The following UBE2S variants were observed in gnomAD, a reference collection of about 807,000 sequenced individuals.
UBE2S encodes ubiquitin conjugating enzyme E2 S, also known as ubiquitin-conjugating enzyme E2 S.
In UBE2S, 3 loss-of-function variants were observed where a neutral mutation model predicts 12.3. The observed-to-expected ratio is 0.24, with a 90% CI of 0.11 to 0.63. UBE2S has a LOEUF of 0.63. Among genes scored for constraint, UBE2S ranks in the 30% least tolerant of loss-of-function variants. The probability of loss-of-function intolerance (pLI) is 0.85; values close to 1 mark genes in which losing one functional copy is unlikely to be tolerated. For missense variants in UBE2S, 211 were observed against 313.9 expected (o/e 0.67, Z 2.48); for synonymous variants, 133 against 142.0 (o/e 0.94, Z 0.45).
At chr19:55,405,077 G>A (rs776959037) in intron 2 of UBE2S, among the ~76,000 whole-genome samples, 12 of 151,738 alleles carry the variant, frequency 7.9e-5, no homozygotes, top group African/African-American at 1.2e-4. Context: ...AGGCGTGGTG[G>A]TGCATGCCTG....
Position 55,403,941 on chromosome 19 carries a change from A to G in UBE2S, c.342+347T>C, listed in dbSNP as rs144169412. On this transcript the variant is annotated intron_variant, in intron 3 of 3. Coordinates refer to ENST00000264552, the MANE Select transcript of UBE2S (RefSeq NM_014501.3). Reference sequence around the variant, plus strand: ...TTTTTAGTAGAGACAGGGTTTCACCATGTTGGCCAGGCTGGTCTCGAACTC... The same window carrying G: ...TTTTTAGTAGAGACAGGGTTTCACCGTGTTGGCCAGGCTGGTCTCGAACTC... 810 of 230,432 alleles carry G rather than the reference A, an allele frequency of 3.5e-3. 6 individuals are homozygous for G. Among genetic ancestry groups the G allele is most frequent in the African/African-American group, 0.019 (777 of 41,748 alleles). 14.3% of individuals were successfully genotyped at this position (230,432 alleles called of 1,614,324 possible).
chr19:55,401,732 G>C lies in UBE2S; in HGVS notation c.373C>G (p.Pro125Ala), dbSNP rs746917958. The C allele has an allele frequency of 6.2e-7, 1 of 1,613,370 alleles. No homozygotes were observed. Among genetic ancestry groups the C allele is most frequent in the Admixed American group, 1.7e-5 (1 of 60,036 alleles). Residue 125 changes from proline to alanine, a missense_variant, in exon 4 of 4, where the codon CCC becomes GCC. By Grantham distance (27) the Pro-to-Ala change is conservative (BLOSUM62 -1). Coordinates refer to ENST00000264552, the MANE Select transcript of UBE2S (RefSeq NM_014501.3). ...GCCTCCTCGTTGAGTGCAGACTCGGGGTTAGGGTGGATCAGCAGGCACTTG... is the reference window on the plus strand; with the variant it reads ...GCCTCCTCGTTGAGTGCAGACTCGGCGTTAGGGTGGATCAGCAGGCACTTG... ...TIKCLLIHPN[P>A]ESALNEEAGR... is the part of the protein sequence containing the mutation.
chr19:55,402,939 T>C (rs1429276340), intron 3 of UBE2S: 31 of 1,522,586 alleles, frequency 2.0e-5, no homozygotes, highest in Middle Eastern at 3.4e-4. Context: ...TTTTTTTTTT[T>C]CAGCTTGCGG....
intron 3 of UBE2S, chr19:55,402,955 G>T: frequency 1.3e-6 from 2 of 1,533,946 alleles, no homozygotes; most frequent in Non-Finnish European, 1.7e-6. Context: ...TGCGGGAAGG[G>T]TTGGGAGGCA....
chr19:55,403,136 C>A (rs909443933), intron 3 of UBE2S: 3 of 759,162 alleles, frequency 4.0e-6, no homozygotes, highest in Admixed American at 2.0e-5. Context: ...TTGTGACAAC[C>A]CTTTCTGGTC....
Position 55,404,022 on chromosome 19 carries a change from A to G in UBE2S, c.342+266T>C. 3 of 435,846 alleles carry G rather than the reference A, an allele frequency of 6.9e-6. No individual in the cohort carries two copies. 27.0% of individuals were successfully genotyped at this position (435,846 alleles called of 1,614,324 possible). On this transcript the variant is annotated intron_variant, in intron 3 of 3. Coordinates refer to ENST00000264552, the MANE Select transcript of UBE2S (RefSeq NM_014501.3). This position sits in a 1 kb window ranked among gnomAD's most constrained non-coding sequence, Gnocchi z 4.4. ...TACCCTATCCTTGTTTTTTAAAAAA[A>G]AGGGAGAAGAGAAAAACCATCCTAC...
At position 55,399,811 on chromosome 19, in the gene UBE2S, T is replaced by C. The variant is rs2090044439; in HGVS notation, c.*1625A>G. ...TTTCAGTGGGTTCCGAGGCCCAGGATGCAGGCACCTTCCTTCAGCAAGGAC... is the reference window on the plus strand; with the variant it reads ...TTTCAGTGGGTTCCGAGGCCCAGGACGCAGGCACCTTCCTTCAGCAAGGAC... On this transcript the variant is annotated 3_prime_UTR_variant, in exon 4 of 4. Transcript: ENST00000264552. The C allele has an allele frequency of 2.0e-5, 3 of 152,242 alleles. No homozygotes were observed. Among genetic ancestry groups the C allele is most frequent in the African/African-American group, 2.4e-5 (1 of 41,460 alleles). The allele number at this position is 152,242 out of a possible 1,614,324, so 9.4% of individuals were successfully genotyped here.
chr19:55,402,776 A>G (rs2090070198), intron 3 of UBE2S, among the ~76,000 whole-genome samples: 1 of 151,842 alleles, frequency 6.6e-6, no homozygotes, highest in African/African-American at 2.4e-5. Context: ...CTCCAATGAC[A>G]CCCCAGGGGA....
rs1257844430 is a variant in UBE2S at position 55,404,821 on chromosome 19, T to G, written c.152-343A>C. Among the ~76,000 whole-genome samples, 1 of 152,066 alleles carries G rather than the reference T, an allele frequency of 6.6e-6. No homozygotes were observed. The highest frequency in any genetic ancestry group is 2.4e-5 in the African/African-American group (1 of 41,426). On this transcript the variant is annotated intron_variant, in intron 2 of 3. Coordinates refer to ENST00000264552, the MANE Select transcript of UBE2S (RefSeq NM_014501.3). The surrounding 1 kb of genome is among the most constrained non-coding windows in gnomAD (Gnocchi z 4.4). ...TCTCACTATGTTGCCCAAGCTGGTC[T>G]TGCACTCCTAGGCTCAAGCAATTTG...
At chr19:55,406,986 G>A (rs774143957) in intron 1 of UBE2S, 24 bp from the exon 2 acceptor site, 1 of 1,610,668 alleles carries the variant, frequency 6.2e-7, no homozygotes, top group Non-Finnish European at 8.5e-7. Flanking sequence ...GGAGAGCAGG[G>A]TGAGCGAGTG....
rs150637417 is a variant in UBE2S at position 55,406,763 on chromosome 19, G to C, written c.151+52C>G. 596 of 1,574,126 alleles carry C rather than the reference G, an allele frequency of 3.8e-4. 2 individuals are homozygous for C. In the African/African-American group the frequency reaches 7.5e-3, roughly 20 times the overall value. On this transcript the variant is annotated intron_variant, in intron 2 of 3. Transcript: ENST00000264552. ...TTCCCGCTAGGGTGATCTAGAGCAG[G>C]GTGATGGAGGATCTAAGCAGCAGCC...
intron 3 of UBE2S, chr19:55,403,162 A>G (rs1484306092): frequency 2.8e-6 from 2 of 709,604 alleles, no homozygotes; most frequent in African/African-American, 3.5e-5. Context: ...ACAATGCATA[A>G]TACCCCTTGG....
At chr19:55,401,811 C>A (rs2090061461) in intron 3 of UBE2S, 49 bp from the exon 4 acceptor site, 14 of 1,599,394 alleles carry the variant, frequency 8.8e-6, no homozygotes, top group Non-Finnish European at 1.2e-5. Context: ...CCTACAGGGA[C>A]CCCCAGGCCT....
intron 2 of UBE2S, among the ~76,000 whole-genome samples, chr19:55,405,311 C>T (rs1472375521): frequency 1.3e-5 from 2 of 151,226 alleles, no homozygotes; most frequent in East Asian, 1.9e-4. Flanking sequence ...AGTTCGAGAC[C>T]AGCCTGGCCA....
Position 55,406,844 on chromosome 19 carries a change from G to A in UBE2S, c.122C>T (p.Thr41Ile). 1 of 1,613,482 alleles carries A rather than the reference G, an allele frequency of 6.2e-7. No homozygotes were observed. The highest frequency in any genetic ancestry group is 1.3e-5 in the African/African-American group (1 of 75,028). ...IKVFPNEEDLTDLQVTIEGPE... is the reference protein window; with the variant it reads ...IKVFPNEEDLIDLQVTIEGPE... Reference sequence around the variant, plus strand: ...GCCCTCGATGGTGACCTGGAGGTCGGTGAGGTCCTCCTCGTTGGGAAAGAC... The same window carrying A: ...GCCCTCGATGGTGACCTGGAGGTCGATGAGGTCCTCCTCGTTGGGAAAGAC... Residue 41 changes from threonine to isoleucine, a missense_variant, in exon 2 of 4, where the codon ACC becomes ATC. Transcript: ENST00000264552.
Position 55,407,203 on chromosome 19 carries a change from C to CT in UBE2S, c.4-242_4-241insA, listed in dbSNP as rs201621106. On this transcript the variant is annotated intron_variant, in intron 1 of 3. Coordinates refer to ENST00000264552, the MANE Select transcript of UBE2S (RefSeq NM_014501.3). ...ACTCCACCCACCCCAGAACCCCCCCCCCAAAGCCCGCTCCTAACCCTGCTT... is the reference window on the plus strand; with the variant it reads ...ACTCCACCCACCCCAGAACCCCCCCCTCCAAAGCCCGCTCCTAACCCTGCTT... 6.4e-3 allele frequency among the ~76,000 whole-genome samples: 962 copies of CT among 150,728 alleles called. 14 individuals are homozygous for CT. Among genetic ancestry groups the CT allele is most frequent in the African/African-American group, 0.022 (885 of 40,784 alleles).
At chr19:55,402,698 CCT>C (rs1260970974) in intron 3 of UBE2S, among the ~76,000 whole-genome samples, 6 of 152,302 alleles carry the variant, frequency 3.9e-5, no homozygotes, top group South Asian at 2.1e-4. Context: ...TGGCTGAGCC[CCT>C]GACAGGCCCA....
chr19:55,402,425 C>G (rs2090066670), intron 3 of UBE2S, among the ~76,000 whole-genome samples: 2 of 152,198 alleles, frequency 1.3e-5, no homozygotes, highest in Non-Finnish European at 2.9e-5. Context: ...TCCTCTCAAC[C>G]CCCTTCACAG....
At chr19:55,407,455 C>T in intron 1 of UBE2S, 132 bp downstream of exon 1, 1 of 1,028,280 alleles carries the variant, frequency 9.7e-7, no homozygotes, top group Admixed American at 3.6e-5. Context: ...GCCCTCGGGC[C>T]CATCCCGGGT....
Sources: gnomAD v4.1 joint callset for allele counts (sites outside exome capture counted in the v4.1 genomes callset) on GRCh38, gnomAD v4.1.1 for gene constraint, Gnocchi (gnomAD v3.1) non-coding constraint, MANE v1.5 for transcripts, NCBI Gene and HGNC (gene_info 2026-07-23, HGNC 2026-07-21) for gene names.